PRELID2: variants seen among roughly 807,000 people sequenced by gnomAD.
PRELID2 encodes the protein PRELI domain containing 2, also known as PRELI domain-containing protein 2.
PRELID2 carries 25 observed loss-of-function variants against 28.4 expected under a neutral mutation model. The ratio of observed to expected loss-of-function variants is 0.88; its 90% CI spans 0.64 to 1.23. The LOEUF (loss-of-function observed/expected upper bound fraction) is 1.23, where lower values mean the gene tolerates loss of function less well. Among genes scored for constraint, PRELID2 ranks in the 50% most tolerant of loss-of-function variants. The probability of loss-of-function intolerance (pLI) is 0.00; values close to 1 mark genes in which losing one functional copy is unlikely to be tolerated. For synonymous variants in PRELID2, 76 were observed against 71.6 expected (o/e 1.06, Z -0.31); for missense variants, 201 against 214.4 (o/e 0.94, Z 0.39).
chr5:145,522,218 C>A (rs1358913986), intron 1 of PRELID2, among the ~76,000 whole-genome samples: 1 of 152,134 alleles, frequency 6.6e-6, no homozygotes, highest in Non-Finnish European at 1.5e-5. Flanking sequence ...TTCTTCAAGA[C>A]CATTTATTTG....
chr5:145,366,938 C>T, the PRELID2 span, among the ~76,000 whole-genome samples: 2 of 151,858 alleles, frequency 1.3e-5, no homozygotes, highest in Non-Finnish European at 2.9e-5. Context: ...AGTTAAAAGG[C>T]TTCTAAAAGC....
At chr5:145,675,977 T>C (rs1754805539) in intron 1 of PRELID2, among the ~76,000 whole-genome samples, 1 of 152,192 alleles carries the variant, frequency 6.6e-6, no homozygotes, top group African/African-American at 2.4e-5. Context: ...TCCCAGCACT[T>C]TGGGAGGCCA....
intron 1 of PRELID2, among the ~76,000 whole-genome samples, chr5:145,633,018 T>C (rs1753952772): frequency 1.3e-5 from 2 of 152,080 alleles, no homozygotes; most frequent in Admixed American, 6.6e-5. Context: ...TTAGCCCCAT[T>C]TGAAAGCCAT....
At chr5:145,305,666 C>A in the PRELID2 span, among the ~76,000 whole-genome samples, 2 of 151,182 alleles carry the variant, frequency 1.3e-5, no homozygotes, top group Non-Finnish European at 2.9e-5. Context: ...AGGTCCCTGA[C>A]CTGGGTCCTG....
At chr5:145,311,659 C>T in the PRELID2 span, among the ~76,000 whole-genome samples, 1 of 152,128 alleles carries the variant, frequency 6.6e-6, no homozygotes, top group African/African-American at 2.4e-5. Context: ...TTCCATGCAA[C>T]AGTACTATAT....
intron 1 of PRELID2, among the ~76,000 whole-genome samples, chr5:145,562,620 T>TA (rs769935016): frequency 7.2e-5 from 11 of 152,204 alleles, no homozygotes; most frequent in Non-Finnish European, 1.6e-4. Context: ...TAGATTCTGT[T>TA]AAAAGATTGT....
the PRELID2 span, among the ~76,000 whole-genome samples, chr5:145,336,211 C>T: frequency 1.2e-4 from 18 of 152,154 alleles, no homozygotes; most frequent in East Asian, 3.1e-3. Context: ...AATTTTCTCC[C>T]ATTTTGTAGG....
the PRELID2 span, among the ~76,000 whole-genome samples, chr5:145,339,897 A>C: frequency 1.2e-4 from 19 of 152,272 alleles, no homozygotes; most frequent in South Asian, 4.1e-4. Context: ...GGAAGAGATG[A>C]GGCTAGATAC....
chr5:145,662,632 G>A (rs1424775503), intron 1 of PRELID2, among the ~76,000 whole-genome samples: 2 of 152,018 alleles, frequency 1.3e-5, no homozygotes, highest in South Asian at 2.1e-4. Context: ...ATGGATTAAT[G>A]GGTTAATGGA....
intron 1 of PRELID2, among the ~76,000 whole-genome samples, chr5:145,742,297 A>T (rs1277848660): frequency 1.6e-5 from 2 of 129,012 alleles, no homozygotes; most frequent in African/African-American, 5.5e-5. Context: ...TTTTTATATA[A>T]ATATTTATAT....
rs574742160 is a variant in PRELID2, at chr5:145,600,643, G to A, written n.71-127328C>T. Among the ~76,000 whole-genome samples the A allele has an allele frequency of 1.8e-4, 28 of 151,704 alleles. 1 individual carries two copies. Among genetic ancestry groups the A allele is most frequent in the East Asian group, 9.6e-4 (5 of 5,186 alleles). On this transcript the variant is annotated intron_variant and non_coding_transcript_variant, in intron 1 of 2. Coordinates refer to the PRELID2 transcript ENST00000510259. ...ATTTCTCATTGGAGGAAAAACTCTC[G>A]ATTTAGACTTCAAGTTTCCTACAGA...
chr5:145,504,686 T>A (rs1220811527), intron 1 of PRELID2, among the ~76,000 whole-genome samples: 1 of 152,206 alleles, frequency 6.6e-6, no homozygotes, highest in Non-Finnish European at 1.5e-5. Context: ...TGATCTCATT[T>A]GTTGTCTTCT....
chr5:145,525,151 G>A (rs1561499640), intron 1 of PRELID2, among the ~76,000 whole-genome samples: 1 of 152,130 alleles, frequency 6.6e-6, no homozygotes, highest in Non-Finnish European at 1.5e-5. Context: ...CATTACAAAT[G>A]AGGAAACCAA....
Position 145,669,929 on chromosome 5 carries a change from C to T in PRELID2, n.70+95002G>A, listed in dbSNP as rs117696956. Among the ~76,000 whole-genome samples, 79 of 152,210 alleles carry T rather than the reference C, an allele frequency of 5.2e-4. No homozygotes were observed. The East Asian group carries it at 0.013, about 25-fold the overall frequency. On this transcript the variant is annotated intron_variant and non_coding_transcript_variant, in intron 1 of 2. Coordinates refer to the PRELID2 transcript ENST00000510259. ...CATCTTAGAGCCTCTCATAGCACCA[C>T]GTTCACCTGCAGCGAACTTACTACA...
At chr5:145,294,514 T>G in the PRELID2 span, among the ~76,000 whole-genome samples, 1 of 152,172 alleles carries the variant, frequency 6.6e-6, no homozygotes, top group Non-Finnish European at 1.5e-5. Context: ...TTGCTAACCC[T>G]GTATGACCAA....
At chr5:145,233,533 G>A in the PRELID2 span, among the ~76,000 whole-genome samples, 1 of 152,146 alleles carries the variant, frequency 6.6e-6, no homozygotes, top group Non-Finnish European at 1.5e-5. Flanking sequence ...CCTCACTGAT[G>A]TGAGGAATCT....
At chr5:145,236,988 C>A in the PRELID2 span, among the ~76,000 whole-genome samples, 1 of 152,260 alleles carries the variant, frequency 6.6e-6, no homozygotes, top group South Asian at 2.1e-4. Context: ...TGGATTTGGC[C>A]TTGAGATGTG....
chr5:145,717,063 A>T (rs1023641454), intron 1 of PRELID2, among the ~76,000 whole-genome samples: 2 of 152,188 alleles, frequency 1.3e-5, no homozygotes, highest in Admixed American at 1.3e-4. Context: ...ACTATATAAG[A>T]AGATATGGAA....
intron 1 of PRELID2, among the ~76,000 whole-genome samples, chr5:145,635,055 A>G (rs930357711): frequency 6.6e-6 from 1 of 152,166 alleles, no homozygotes; most frequent in Non-Finnish European, 1.5e-5. Context: ...CACACACCAG[A>G]ATGCTACTAT....
Sources: gnomAD v4.1 joint callset for allele counts (sites outside exome capture counted in the v4.1 genomes callset) on GRCh38, gnomAD v4.1.1 for gene constraint, MANE v1.5 for transcripts, NCBI Gene and HGNC (gene_info 2026-07-23, HGNC 2026-07-21) for gene names.